Variants in NUMB observed in about 807,000 individuals in gnomAD.
NUMB encodes NUMB endocytic adaptor protein.
A neutral mutation model predicts 59.7 loss-of-function variants in NUMB; 29 were observed. That is an observed-to-expected ratio of 0.49 (90% CI 0.36 to 0.66). The LOEUF is 0.66. Among genes scored for constraint, NUMB ranks in the 30% least tolerant of loss-of-function variants. The probability of loss-of-function intolerance (pLI) is 0.00; values close to 1 mark genes in which losing one functional copy is unlikely to be tolerated. For missense variants in NUMB, 723 were observed against 822.0 expected (o/e 0.88, Z 1.47); for synonymous variants, 288 against 288.2 (o/e 1.00, Z 0.01).
chr14:73,286,235 T>G (rs1375392126), intron 9 of NUMB: 1 of 134,420 alleles, frequency 7.4e-6, no homozygotes, highest in Non-Finnish European at 1.6e-5. Flanking sequence ...AGGGATAGAG[T>G]CTATGTTGCA....
intron 1 of NUMB, among the ~76,000 whole-genome samples, chr14:73,417,653 C>T (rs1897187925): frequency 6.6e-6 from 1 of 152,032 alleles, no homozygotes; most frequent in Admixed American, 6.6e-5. Flanking sequence ...CATAGAATCA[C>T]TATATATTCT....
chr14:73,414,990 G>T (rs946299075), intron 1 of NUMB, among the ~76,000 whole-genome samples: 1 of 152,122 alleles, frequency 6.6e-6, no homozygotes, highest in Admixed American at 6.5e-5. Context: ...AAAGTGCTGG[G>T]ATACAGGTGC....
At chr14:73,335,387 A>G (rs1892255185) in intron 4 of NUMB, among the ~76,000 whole-genome samples, 1 of 152,044 alleles carries the variant, frequency 6.6e-6, no homozygotes, top group Admixed American at 6.6e-5. Context: ...ACGTGGAAAT[A>G]GAAATAAGCT....
At position 73,444,398 on chromosome 14, in the gene NUMB, C is replaced by G. The variant is rs75473022; in HGVS notation, c.-233+14095G>C. 1.8e-4 allele frequency among the ~76,000 whole-genome samples: 13 copies of G among 70,968 alleles called. No homozygotes were observed. In the Admixed American group the frequency reaches 1.9e-3, roughly 10 times the overall value. The allele number at this position is 70,968 out of a possible 152,430, so 46.6% of individuals were successfully genotyped here. On this transcript the variant is annotated intron_variant, in intron 1 of 12. Transcript: ENST00000555238. ...TAGGTAACAGAGCAAGACTCCATCTCAAAAAAAAAAAAAAAAAGTCAAAAT... is the reference window on the plus strand; with the variant it reads ...TAGGTAACAGAGCAAGACTCCATCTGAAAAAAAAAAAAAAAAAGTCAAAAT...
At chr14:73,360,667 C>T (rs1359606436) in intron 3 of NUMB, among the ~76,000 whole-genome samples, 3 of 152,126 alleles carry the variant, frequency 2.0e-5, no homozygotes, top group Admixed American at 6.6e-5. Flanking sequence ...CTCATTCTCA[C>T]TCTAGGCCTG....
intron 6 of NUMB, among the ~76,000 whole-genome samples, chr14:73,313,814 C>CT (rs960861383): frequency 7.0e-4 from 99 of 141,126 alleles, no homozygotes; most frequent in East Asian, 1.8e-3. Flanking sequence ...TTTTTTTTTT[C>CT]TTTTTTTTTT....
At position 73,379,398 on chromosome 14, in the gene NUMB, G is replaced by C. The variant is rs74064620; in HGVS notation, c.-100-12417C>G. Among the ~76,000 whole-genome samples, 442 of 152,250 alleles carry C rather than the reference G, an allele frequency of 2.9e-3. 1 individual carries two copies. The highest frequency in any genetic ancestry group is 0.01 in the African/African-American group (428 of 41,544). ...TACAAGATAAGTATTCTTCTATAGA[G>C]ATATAGCAGAGAATGAAACAAACCC... On this transcript the variant is annotated intron_variant, in intron 2 of 12. Coordinates refer to ENST00000555238, the MANE Select transcript of NUMB (RefSeq NM_001005743.2).
chr14:73,406,366 T>C (rs1478442906), intron 2 of NUMB, among the ~76,000 whole-genome samples: 2 of 151,692 alleles, frequency 1.3e-5, no homozygotes, highest in Non-Finnish European at 2.9e-5. Context: ...GTCCTTGTGA[T>C]AGTTTGCTGA....
intron 4 of NUMB, among the ~76,000 whole-genome samples, chr14:73,353,072 G>GTTTTTCTTTCTTTT (rs71450219): frequency 1.7e-5 from 1 of 58,512 alleles, no homozygotes; most frequent in Non-Finnish European, 3.3e-5. Context: ...AGTTTTTCTT[G>GTTTTTCTTTCTTTT]TTTTTTTTTT....
chr14:73,392,216 A>G (rs1169207731), intron 2 of NUMB, among the ~76,000 whole-genome samples: 2 of 152,238 alleles, frequency 1.3e-5, no homozygotes, highest in Non-Finnish European at 2.9e-5. Flanking sequence ...ATACAGGATC[A>G]AAGTAAAAGC....
chr14:73,416,732 C>T (rs1052745382), intron 1 of NUMB, among the ~76,000 whole-genome samples: 25 of 152,040 alleles, frequency 1.6e-4, no homozygotes, highest in Admixed American at 1.4e-3. Context: ...ATCCCAGCTA[C>T]TTGGGGGGCT....
Position 73,395,051 on chromosome 14 carries a change from G to A in NUMB, c.-101+14886C>T, listed in dbSNP as rs1017116715. 7.3e-4 allele frequency among the ~76,000 whole-genome samples: 90 copies of A among 123,982 alleles called. 1 individual carries two copies. The highest frequency in any genetic ancestry group is 1.3e-3 in the African/African-American group (26 of 20,078). The allele number at this position is 123,982 out of a possible 152,430, so 81.3% of individuals were successfully genotyped here. ...TATTCGTGTGTTTGTGTGTGTGTGT[G>A]TGTGTGTGTGTGTGTGTGTGTGTGT... On this transcript the variant is annotated intron_variant, in intron 2 of 12. Transcript: ENST00000555238.
At position 73,352,501 on chromosome 14, in the gene NUMB, T is replaced by C. The variant is rs1566756201; in HGVS notation, c.126+3125A>G. On this transcript the variant is annotated intron_variant, in intron 4 of 12. Transcript: ENST00000555238. ...ACATATATATATATATATATATATATATATATATATATATATATATATATA... is the reference window on the plus strand; with the variant it reads ...ACATATATATATATATATATATATACATATATATATATATATATATATATA... Among the ~76,000 whole-genome samples, 73 of 12,694 alleles carry C rather than the reference T, an allele frequency of 5.8e-3. 9 individuals are homozygous for C. The highest frequency in any genetic ancestry group is 0.017 in the East Asian group (3 of 180). 8.3% of individuals were successfully genotyped at this position (12,694 alleles called of 152,430 possible).
intron 4 of NUMB, among the ~76,000 whole-genome samples, chr14:73,344,508 C>A (rs924895067): frequency 6.6e-6 from 1 of 152,184 alleles, no homozygotes; most frequent in Non-Finnish European, 1.5e-5. Context: ...CTTAATAGAG[C>A]AAAATGTTGG....
At chr14:73,291,008 A>T (rs773231333) in intron 8 of NUMB, among the ~76,000 whole-genome samples, 14 of 152,204 alleles carry the variant, frequency 9.2e-5, no homozygotes, top group Non-Finnish European at 1.0e-4. Context: ...ATTTTAAAAC[A>T]AAACTTCTAT....
At chr14:73,420,435 T>A (rs754829254) in intron 1 of NUMB, among the ~76,000 whole-genome samples, 1 of 152,210 alleles carries the variant, frequency 6.6e-6, no homozygotes, top group Non-Finnish European at 1.5e-5. Context: ...AGGGTGACTA[T>A]TGATTCACAT....
At chr14:73,319,178 G>A (rs1319973990) in intron 5 of NUMB, among the ~76,000 whole-genome samples, 2 of 152,186 alleles carry the variant, frequency 1.3e-5, no homozygotes, top group African/African-American at 4.8e-5. Context: ...CAGGAGAATC[G>A]CGTGAACCCG....
chr14:73,360,184 A>G (rs1044662309), intron 3 of NUMB, among the ~76,000 whole-genome samples: 2 of 152,244 alleles, frequency 1.3e-5, no homozygotes, highest in Admixed American at 6.5e-5. Context: ...GTATGGCATA[A>G]TAATTCACAC....
intron 1 of NUMB, among the ~76,000 whole-genome samples, chr14:73,419,158 A>C (rs1897249974): frequency 1.3e-5 from 2 of 152,344 alleles, no homozygotes; most frequent in African/African-American, 4.8e-5. Context: ...TTCCTACGTA[A>C]ATTATCTTCT....
Sources: allele counts gnomAD v4.1 joint callset (sites outside exome capture counted in the v4.1 genomes callset), GRCh38; gene constraint gnomAD v4.1.1; transcripts MANE v1.5; gene names NCBI Gene and HGNC (gene_info 2026-07-23, HGNC 2026-07-21).